The following SLC14A2 variants were observed in gnomAD, a reference collection of about 807,000 sequenced individuals.
SLC14A2 encodes the protein solute carrier family 14 member 2.
SLC14A2 carries 91 observed loss-of-function variants against 104.6 expected under a neutral mutation model. The observed-to-expected ratio is 0.87, with a 90% CI of 0.73 to 1.04. The LOEUF (loss-of-function observed/expected upper bound fraction) is 1.04. Among genes scored for constraint, SLC14A2 ranks in the 50% least tolerant of loss-of-function variants. The pLI is 0.00. For missense variants in SLC14A2, 1,189 were observed against 1,156.0 expected, an observed-to-expected ratio of 1.03 and a Z score of -0.41; for synonymous variants, 476 against 466.4, an observed-to-expected ratio of 1.02 and a Z score of -0.27.
chr18:45,446,325 G>C (rs1002965800), intron 1 of SLC14A2, among the ~76,000 whole-genome samples: 5 of 152,122 alleles, frequency 3.3e-5, no homozygotes, highest in African/African-American at 9.7e-5. Context: ...GTTAAGATGT[G>C]GTCATTAGGG....
chr18:45,245,757 C>T (rs2084362279), intron 1 of SLC14A2, among the ~76,000 whole-genome samples: 1 of 152,218 alleles, frequency 6.6e-6, no homozygotes, highest in Non-Finnish European at 1.5e-5. Context: ...TCATAAAATA[C>T]TATCCACTCA....
At chr18:45,550,532 A>T (rs1308139571) in intron 2 of SLC14A2, among the ~76,000 whole-genome samples, 1 of 152,148 alleles carries the variant, frequency 6.6e-6, no homozygotes, top group African/African-American at 2.4e-5. Flanking sequence ...GAACCCCAGA[A>T]CCTGCCTGTG....
chr18:45,383,450 C>A (rs1433178119), intron 1 of SLC14A2, among the ~76,000 whole-genome samples: 3 of 152,112 alleles, frequency 2.0e-5, no homozygotes, highest in Non-Finnish European at 4.4e-5. Context: ...CCAGAGTAAC[C>A]CACTCAGCCC....
the SLC14A2 span, among the ~76,000 whole-genome samples, chr18:45,201,732 C>A: frequency 1.3e-5 from 2 of 152,094 alleles, no homozygotes; most frequent in African/African-American, 4.8e-5. Context: ...TTGAATCTAA[C>A]ATGACTGGAC....
intron 10 of SLC14A2, among the ~76,000 whole-genome samples, chr18:45,660,966 G>T (rs1012365283): frequency 6.6e-6 from 1 of 152,146 alleles, no homozygotes; most frequent in Admixed American, 6.5e-5. Context: ...CTGCCACATC[G>T]TGAGGAGCTG....
At chr18:45,629,952 C>G (rs1480336488) in intron 4 of SLC14A2, among the ~76,000 whole-genome samples, 2 of 152,204 alleles carry the variant, frequency 1.3e-5, no homozygotes, top group Non-Finnish European at 2.9e-5. Context: ...AGCTGTACCT[C>G]TGTCTATCTA....
At chr18:45,312,209 C>T (rs1197581627) in intron 1 of SLC14A2, among the ~76,000 whole-genome samples, 4 of 152,202 alleles carry the variant, frequency 2.6e-5, no homozygotes, top group South Asian at 2.1e-4. Flanking sequence ...TAGCACTTAA[C>T]GTGGTGTTTT....
At chr18:45,404,589 C>T (rs2086132959) in intron 1 of SLC14A2, among the ~76,000 whole-genome samples, 2 of 152,178 alleles carry the variant, frequency 1.3e-5, no homozygotes, top group African/African-American at 4.8e-5. Context: ...ATCACATCTT[C>T]CCAAGGCACA....
chr18:45,428,558 CT>C (rs1568197965), intron 1 of SLC14A2, among the ~76,000 whole-genome samples: 1 of 152,162 alleles, frequency 6.6e-6, no homozygotes, highest in African/African-American at 2.4e-5. Flanking sequence ...GGAGCCACCC[CT>C]ATAGGCTGGA....
intron 1 of SLC14A2, among the ~76,000 whole-genome samples, chr18:45,471,745 A>G (rs746611117): frequency 8.6e-5 from 13 of 151,646 alleles, no homozygotes; most frequent in Non-Finnish European, 1.5e-4. Context: ...TTTCTCCTTT[A>G]CAACTTTCCT....
At chr18:45,362,750 A>G (rs539744308) in intron 1 of SLC14A2, among the ~76,000 whole-genome samples, 190 of 152,384 alleles carry the variant, frequency 1.2e-3, no homozygotes, top group Non-Finnish European at 2.5e-3. Flanking sequence ...CTGGTATAGC[A>G]TCACTCACAC....
At chr18:45,216,722 C>T (rs113271387) in intron 1 of SLC14A2, among the ~76,000 whole-genome samples, 12 of 152,254 alleles carry the variant, frequency 7.9e-5, no homozygotes, top group South Asian at 2.1e-4. Flanking sequence ...ATAGGGGGGC[C>T]GAGCAGCAGT....
chr18:45,214,812 AC>A (rs1428136907), intron 1 of SLC14A2, among the ~76,000 whole-genome samples: 2 of 151,334 alleles, frequency 1.3e-5, no homozygotes, highest in East Asian at 3.9e-4. Context: ...TTGAACACTT[AC>A]GGTCTGTGGA....
chr18:45,199,007 C>T, the SLC14A2 span, among the ~76,000 whole-genome samples: 1 of 152,098 alleles, frequency 6.6e-6, no homozygotes. Context: ...GTAGTTTTTG[C>T]AGTGAGAATC....
chr18:45,225,910 A>G (rs560755690), intron 1 of SLC14A2, among the ~76,000 whole-genome samples: 1 of 152,274 alleles, frequency 6.6e-6, no homozygotes, highest in African/African-American at 2.4e-5. Flanking sequence ...GGGGTTTTCT[A>G]CATATACAGT....
At chr18:45,462,905 A>G (rs1021216945) in intron 1 of SLC14A2, among the ~76,000 whole-genome samples, 10 of 152,222 alleles carry the variant, frequency 6.6e-5, no homozygotes, top group African/African-American at 2.2e-4. Flanking sequence ...TAAGCACTCA[A>G]TATATGGCCT....
intron 2 of SLC14A2, among the ~76,000 whole-genome samples, chr18:45,599,836 G>C (rs1156540654): frequency 2.0e-5 from 3 of 152,168 alleles, no homozygotes; most frequent in Non-Finnish European, 4.4e-5. Context: ...CATCTTACAT[G>C]GATGTCAGCA....
At chr18:45,637,250 T>C in intron 6 of SLC14A2, 68 bp downstream of exon 6, 1 of 1,302,820 alleles carries the variant, frequency 7.7e-7, no homozygotes, top group Non-Finnish European at 1.1e-6. Context: ...CCAACCAATT[T>C]GTGGACTATC....
At chr18:45,528,245 A>G (rs1304860307) in intron 2 of SLC14A2, 1 of 148,954 alleles carries the variant, frequency 6.7e-6, no homozygotes, top group Non-Finnish European at 1.5e-5. Flanking sequence ...TACTCCCAAG[A>G]GGTATCCCTT....
Sources: allele counts gnomAD v4.1 joint callset (sites outside exome capture counted in the v4.1 genomes callset), GRCh38; gene constraint gnomAD v4.1.1; transcripts MANE v1.5; gene names NCBI Gene and HGNC (gene_info 2026-07-23, HGNC 2026-07-21).